DPYD: variants seen among roughly 807,000 people sequenced by gnomAD.
The protein encoded by DPYD is dihydropyrimidine dehydrogenase.
Under a neutral mutation model 116.2 loss-of-function variants are expected in DPYD, and 109 were observed. The observed-to-expected ratio is 0.94, with a 90% CI of 0.80 to 1.10. DPYD has a LOEUF of 1.10. Ranked by LOEUF, DPYD falls within the 50% of genes least tolerant of loss-of-function variation. The pLI, the probability that DPYD is intolerant of heterozygous loss-of-function variation, is 0.00. For missense variants in DPYD, 1,302 were observed against 1,254.5 expected, an observed-to-expected ratio of 1.04 and a Z score of -0.57; for synonymous variants, 440 against 432.0, an observed-to-expected ratio of 1.02 and a Z score of -0.23.
chr1:97,341,390 T>G (rs766289541), intron 16 of DPYD, among the ~76,000 whole-genome samples: 1 of 152,168 alleles, frequency 6.6e-6, no homozygotes, highest in African/African-American at 2.4e-5. Flanking sequence ...GCACAAGACT[T>G]GACAAGTAAA....
intron 14 of DPYD, among the ~76,000 whole-genome samples, chr1:97,388,485 T>C (rs577783185): frequency 6.6e-6 from 1 of 151,470 alleles, no homozygotes; most frequent in South Asian, 2.1e-4. Context: ...CACAAGAGAG[T>C]GTGATGTCGT....
At chr1:97,621,172 G>C (rs988556786) in intron 8 of DPYD, among the ~76,000 whole-genome samples, 4 of 152,096 alleles carry the variant, frequency 2.6e-5, no homozygotes, top group South Asian at 2.1e-4. Flanking sequence ...GGTCCTTTCA[G>C]TAGTACAGAA....
intron 13 of DPYD, among the ~76,000 whole-genome samples, chr1:97,492,288 G>A (rs970031828): frequency 3.3e-5 from 5 of 152,058 alleles, no homozygotes; most frequent in Non-Finnish European, 7.4e-5. Flanking sequence ...AACATGCTGC[G>A]AATAGCAAAC....
At position 97,640,395 on chromosome 1, in the gene DPYD, G is replaced by A. The variant is rs372930083; in HGVS notation, c.850+38700C>T. ...ACCATCTCAGCTCACTGCAAACTCC[G>A]CCTCCCAGGTTCAAGCAGTTCTCCT... is the stretch of plus-strand genomic sequence containing the variant. On this transcript the variant is annotated intron_variant, in intron 8 of 22. Coordinates refer to ENST00000370192, the MANE Select transcript of DPYD (RefSeq NM_000110.4). 4.7e-4 allele frequency among the ~76,000 whole-genome samples: 71 copies of A among 151,946 alleles called. 2 individuals carry two copies. The South Asian group carries it at 0.014, about 30-fold the overall frequency.
At chr1:97,523,194 G>A (rs981731088) in intron 12 of DPYD, among the ~76,000 whole-genome samples, 4 of 152,098 alleles carry the variant, frequency 2.6e-5, no homozygotes, top group African/African-American at 9.7e-5. Context: ...TGGTAAAAAT[G>A]GAGATTAAGG....
chr1:97,420,615 T>C (rs4949952), intron 14 of DPYD, among the ~76,000 whole-genome samples: 96,787 of 151,712 alleles, frequency 0.64, 31,118 homozygotes, highest in East Asian at 0.81. Context: ...ATAAACGGCC[T>C]TTCGTAACTG....
intron 1 of DPYD, among the ~76,000 whole-genome samples, chr1:97,889,219 C>A (rs1426448730): frequency 6.6e-6 from 1 of 151,680 alleles, no homozygotes; most frequent in Non-Finnish European, 1.5e-5. Context: ...AAAGGAAGTT[C>A]TTCAGGCAGA....
intron 8 of DPYD, among the ~76,000 whole-genome samples, chr1:97,639,341 T>G (rs1657748431): frequency 6.6e-6 from 1 of 152,194 alleles, no homozygotes; most frequent in Non-Finnish European, 1.5e-5. Context: ...GTGTGTGTAC[T>G]AAATTAAAAA....
intron 14 of DPYD, among the ~76,000 whole-genome samples, chr1:97,433,937 G>A (rs1000169881): frequency 1.1e-4 from 16 of 151,998 alleles, no homozygotes; most frequent in East Asian, 9.7e-4. Context: ...TATTGTACAC[G>A]TAGCCATTCC....
At chr1:97,546,589 C>A (rs1650884595) in intron 12 of DPYD, 1 of 1,607,584 alleles carries the variant, frequency 6.2e-7, no homozygotes, top group East Asian at 2.2e-5. Context: ...AATAACACAT[C>A]CTGTGTATAG....
At chr1:97,342,099 G>A (rs1669615981) in intron 16 of DPYD, among the ~76,000 whole-genome samples, 2 of 152,172 alleles carry the variant, frequency 1.3e-5, no homozygotes, top group Admixed American at 1.3e-4. Context: ...ATTTATTTCA[G>A]AGAAGTATAA....
At chr1:97,649,242 A>T (rs1001889059) in intron 8 of DPYD, among the ~76,000 whole-genome samples, 3 of 152,094 alleles carry the variant, frequency 2.0e-5, no homozygotes, top group Non-Finnish European at 4.4e-5. Flanking sequence ...AATACTAAAA[A>T]TCAATTTAAT....
At chr1:97,715,580 T>C (rs1662568961) in intron 5 of DPYD, among the ~76,000 whole-genome samples, 1 of 152,132 alleles carries the variant, frequency 6.6e-6, no homozygotes, top group Non-Finnish European at 1.5e-5. Context: ...TAAGCCAGTT[T>C]GCCTGGGGTG....
At position 97,920,870 on chromosome 1, in the gene DPYD, C is replaced by A. The variant is rs1374214695; in HGVS notation, c.39+14G>T. Reference sequence around the variant, plus strand: ...CACCCCGCCACCACCGACGAGCCGGCGCGAAGTCCGTACCTCGATGTCCGC... The same window carrying A: ...CACCCCGCCACCACCGACGAGCCGGAGCGAAGTCCGTACCTCGATGTCCGC... On this transcript the variant is annotated intron_variant, in intron 1 of 22. Transcript: ENST00000370192. 6.3e-7 allele frequency: 1 copy of A among 1,589,590 alleles called. No individual in the cohort carries two copies. Among genetic ancestry groups the A allele is most frequent in the Non-Finnish European group, 8.6e-7 (1 of 1,168,564 alleles).
At chr1:97,653,049 A>G (rs555163807) in intron 8 of DPYD, among the ~76,000 whole-genome samples, 2 of 152,148 alleles carry the variant, frequency 1.3e-5, no homozygotes, top group East Asian at 1.9e-4. Context: ...CCTCCAGATT[A>G]AAGACTCAAC....
chr1:97,375,926 A>C (rs1671585704), intron 15 of DPYD, among the ~76,000 whole-genome samples: 1 of 152,218 alleles, frequency 6.6e-6, no homozygotes, highest in Admixed American at 6.5e-5. Flanking sequence ...TTTGCATAAT[A>C]ATTTTATACA....
intron 19 of DPYD, among the ~76,000 whole-genome samples, chr1:97,199,678 T>G (rs955936802): frequency 1.2e-4 from 18 of 152,262 alleles, no homozygotes; most frequent in African/African-American, 4.1e-4. Flanking sequence ...GACTCAGGTC[T>G]GAGACCCAAC....
chr1:97,662,053 G>A (rs1659295906), intron 8 of DPYD, among the ~76,000 whole-genome samples: 2 of 143,702 alleles, frequency 1.4e-5, no homozygotes, highest in African/African-American at 2.6e-5. Flanking sequence ...GGAGTGCAGT[G>A]GCATGATCCC....
rs539907565 is a variant in DPYD at position 97,136,586 on chromosome 1, T to C, written c.2623-37954A>G. 4.6e-4 allele frequency among the ~76,000 whole-genome samples: 70 copies of C among 152,176 alleles called. No individual in the cohort carries two copies. The South Asian group carries it at 0.013, about 28-fold the overall frequency. ...ATTCTCAATTCCTACCCACCTAGGT[T>C]TTTCCCTGGAAACTTCCTGCCATCA... On this transcript the variant is annotated intron_variant, in intron 20 of 22. Coordinates refer to ENST00000370192, the MANE Select transcript of DPYD (RefSeq NM_000110.4).
Sources: allele counts gnomAD v4.1 joint callset (sites outside exome capture counted in the v4.1 genomes callset), GRCh38; gene constraint gnomAD v4.1.1; transcripts MANE v1.5; gene names NCBI Gene and HGNC (gene_info 2026-07-23, HGNC 2026-07-21).